The following TMEM196 variants were observed in gnomAD, a reference collection of about 807,000 sequenced individuals.
The protein encoded by TMEM196 is transmembrane protein 196.
A neutral mutation model predicts 20.0 loss-of-function variants in TMEM196; 17 were observed. That is an observed-to-expected ratio of 0.85 (90% CI 0.58 to 1.27). The LOEUF (loss-of-function observed/expected upper bound fraction) is 1.27, where lower values mean the gene tolerates loss of function less well. TMEM196 is among the 50% of genes most tolerant of loss of function. TMEM196 has a pLI of 0.00. For missense variants in TMEM196, 267 were observed against 223.0 expected (o/e 1.20, Z -1.26); for synonymous variants, 113 against 88.9 (o/e 1.27, Z -1.52).
chr7:19,752,291 T>A (rs992921840), intron 1 of TMEM196, among the ~76,000 whole-genome samples: 1 of 152,208 alleles, frequency 6.6e-6, no homozygotes, highest in Non-Finnish European at 1.5e-5. Flanking sequence ...CTGTTTCCAC[T>A]CACCACTTTT....
At chr7:19,751,590 T>C (rs1784961954) in intron 1 of TMEM196, among the ~76,000 whole-genome samples, 1 of 152,206 alleles carries the variant, frequency 6.6e-6, no homozygotes, top group Non-Finnish European at 1.5e-5. Context: ...AAAGTGCTGT[T>C]AAAAATATTA....
intron 4 of TMEM196, 127 bp downstream of exon 4, chr7:19,724,153 G>A (rs1046047273): frequency 2.4e-5 from 20 of 836,416 alleles, no homozygotes; most frequent in Non-Finnish European, 3.4e-5. Context: ...TTACGAAAGC[G>A]ATACTTTGAG....
intron 1 of TMEM196, among the ~76,000 whole-genome samples, chr7:19,763,030 T>C (rs1296522027): frequency 6.6e-6 from 1 of 152,218 alleles, no homozygotes; most frequent in Non-Finnish European, 1.5e-5. Context: ...TTACCAACTT[T>C]TTCCTAGGAA....
rs1026726736 is a variant in TMEM196, at chr7:19,720,537, C to A, written c.*1591G>T. ...AGATTTGAGGAAAAAGAAAAGTATA[C>A]AATATAGTGAGAGTTATGTATTTAA... On this transcript the variant is annotated 3_prime_UTR_variant, in exon 5 of 5. Transcript: ENST00000405844. 3 of 151,778 alleles carry A rather than the reference C, an allele frequency of 2.0e-5. No homozygotes were observed. The highest frequency in any genetic ancestry group is 7.3e-5 in the African/African-American group (3 of 41,342). The allele number at this position is 151,778 out of a possible 1,614,324, so 9.4% of individuals were successfully genotyped here.
intron 1 of TMEM196, among the ~76,000 whole-genome samples, chr7:19,755,185 C>T (rs151284113): frequency 6.6e-6 from 1 of 152,156 alleles, no homozygotes; most frequent in South Asian, 2.1e-4. Context: ...TCTACTTAGG[C>T]AAAATCTAAC....
In TMEM196 at chr7:19,724,422, T is replaced by C. The variant is rs1011809010; in HGVS notation, c.460-69A>G. 8 of 1,420,424 alleles carry C rather than the reference T, an allele frequency of 5.6e-6. No individual in the cohort carries two copies. The African/African-American group carries it at 1.1e-4, about 20-fold the overall frequency. The allele number at this position is 1,420,424 out of a possible 1,614,324, so 88.0% of individuals were successfully genotyped here. The stretch of plus-strand genomic sequence containing the variant: ...TATACAGAAAACTAAATCAGACTAG[T>C]ATAAAATAAAGCACAAAAGAGCCAC... On this transcript the variant is annotated intron_variant, in intron 3 of 4. Coordinates refer to ENST00000405844, the MANE Select transcript of TMEM196 (RefSeq NM_001363562.2).
At chr7:19,726,399 A>G (rs1453516523) in intron 2 of TMEM196, among the ~76,000 whole-genome samples, 1 of 152,150 alleles carries the variant, frequency 6.6e-6, no homozygotes. Context: ...TTTTTAAAAA[A>G]AAGTTCACTC....
chr7:19,729,118 G>A (rs373544877), intron 2 of TMEM196, among the ~76,000 whole-genome samples: 12 of 152,110 alleles, frequency 7.9e-5, no homozygotes, highest in African/African-American at 2.2e-4. Context: ...ACTGTCATCC[G>A]TAGCAGTCAT....
intron 4 of TMEM196, among the ~76,000 whole-genome samples, chr7:19,723,417 A>C (rs13347380): frequency 0.017 from 2,595 of 152,316 alleles, 72 homozygotes; most frequent in African/African-American, 0.059. Flanking sequence ...AGAAATGATA[A>C]AAAGTGAATC....
intron 1 of TMEM196, among the ~76,000 whole-genome samples, chr7:19,744,158 C>G (rs7804141): frequency 0.03 from 4,545 of 152,160 alleles, 204 homozygotes; most frequent in African/African-American, 0.1. Context: ...GTTTCTGAGC[C>G]TCGTTGATTT....
In TMEM196 at chr7:19,736,397, ATAT is replaced by A. The variant is rs1562612322; in HGVS notation, c.148-6962_148-6960del. On this transcript the variant is annotated intron_variant, in intron 1 of 4. Coordinates refer to ENST00000405844, the MANE Select transcript of TMEM196 (RefSeq NM_001363562.2). Reference sequence around the variant, plus strand: ...TATATATATATATATATATATATATATATAAATTATCTCTGTAAAATGGAGAAA... The same window carrying A: ...TATATATATATATATATATATATATAAAATTATCTCTGTAAAATGGAGAAA... Among the ~76,000 whole-genome samples, 77 of 138,576 alleles carry A rather than the reference ATAT, an allele frequency of 5.6e-4. 2 individuals carry two copies. In the South Asian group the frequency reaches 0.012, roughly 21 times the overall value. 90.9% of individuals were successfully genotyped at this position (138,576 alleles called of 152,430 possible). A position where few individuals can be genotyped will look rare whatever the true frequency, so the allele number is the denominator to read the frequency against.
chr7:19,729,341 C>T (rs2128015621), intron 2 of TMEM196, 41 bp downstream of exon 2: 2 of 1,510,080 alleles, frequency 1.3e-6, no homozygotes, highest in Admixed American at 2.1e-5. Context: ...TTTTACGTTT[C>T]ATACACCTCA....
chr7:19,757,519 G>T (rs1304874687), intron 1 of TMEM196, among the ~76,000 whole-genome samples: 1 of 151,834 alleles, frequency 6.6e-6, no homozygotes, highest in Non-Finnish European at 1.5e-5. Flanking sequence ...GGGATTACAA[G>T]CATGAGCCAT....
intron 2 of TMEM196, among the ~76,000 whole-genome samples, 193 bp downstream of exon 2, chr7:19,729,189 T>C (rs561273795): frequency 6.6e-6 from 1 of 152,198 alleles, no homozygotes; most frequent in South Asian, 2.1e-4. Context: ...TCGGTGGGCT[T>C]TTGTCATAGT....
At chr7:19,769,814 A>G (rs1235856987) in intron 1 of TMEM196, among the ~76,000 whole-genome samples, 1 of 152,210 alleles carries the variant, frequency 6.6e-6, no homozygotes, top group Non-Finnish European at 1.5e-5. Flanking sequence ...GATGTAAGGT[A>G]TATTGGAAGA....
At chr7:19,745,269 A>C (rs1049031082) in intron 1 of TMEM196, among the ~76,000 whole-genome samples, 2 of 152,072 alleles carry the variant, frequency 1.3e-5, no homozygotes, top group African/African-American at 4.8e-5. Flanking sequence ...AAAAATCTGC[A>C]GTTGGTTGAA....
At chr7:19,763,342 A>T (rs1220471627) in intron 1 of TMEM196, among the ~76,000 whole-genome samples, 1 of 152,214 alleles carries the variant, frequency 6.6e-6, no homozygotes, top group Non-Finnish European at 1.5e-5. Context: ...AGAATAATCC[A>T]TATGGAAAAA....
At chr7:19,748,873 T>A (rs1784858852) in intron 1 of TMEM196, among the ~76,000 whole-genome samples, 1 of 152,194 alleles carries the variant, frequency 6.6e-6, no homozygotes, top group African/African-American at 2.4e-5. Context: ...TTACTATTCC[T>A]TAAAATCATG....
intron 1 of TMEM196, among the ~76,000 whole-genome samples, chr7:19,736,380 T>C (rs1190858427): frequency 1.9e-5 from 1 of 54,010 alleles, no homozygotes; most frequent in African/African-American, 1.0e-4. Flanking sequence ...TATATATATA[T>C]ATATATATAT....
Sources: allele counts gnomAD v4.1 joint callset (sites outside exome capture counted in the v4.1 genomes callset), GRCh38; gene constraint gnomAD v4.1.1; transcripts MANE v1.5; gene names NCBI Gene and HGNC (gene_info 2026-07-23, HGNC 2026-07-21).